The following PCM1 variants were observed in gnomAD, a reference collection of about 807,000 sequenced individuals.
PCM1 encodes pericentriolar material 1.
PCM1 carries 157 observed loss-of-function variants against 241.9 expected under a neutral mutation model. The observed-to-expected ratio is 0.65, with a 90% CI of 0.57 to 0.74. The LOEUF (loss-of-function observed/expected upper bound fraction) is 0.74, where lower values mean the gene tolerates loss of function less well. Ranked by LOEUF, PCM1 falls within the 30% of genes least tolerant of loss-of-function variation. The pLI, the probability that PCM1 is intolerant of heterozygous loss-of-function variation, is 0.00. For synonymous variants in PCM1, 1,085 were observed against 784.9 expected, an observed-to-expected ratio of 1.38 and a Z score of -6.39; for missense variants, 3,478 against 2,360.1, an observed-to-expected ratio of 1.47 and a Z score of -9.81.
intron 4 of PCM1, among the ~76,000 whole-genome samples, chr8:17,938,105 T>C (rs370131444): frequency 2.0e-5 from 3 of 152,216 alleles, no homozygotes. Flanking sequence ...TAAAAAGCAA[T>C]ATGAGTTAAA....
intron 29 of PCM1, among the ~76,000 whole-genome samples, chr8:18,004,304 T>G (rs1336375511): frequency 6.6e-6 from 1 of 152,228 alleles, no homozygotes; most frequent in Non-Finnish European, 1.5e-5. Context: ...CTTAAATGTC[T>G]AAGATATTAG....
chr8:17,957,475 G>T lies in PCM1; in HGVS notation c.1804+54G>T, dbSNP rs185380211. On this transcript the variant is annotated intron_variant, in intron 12 of 38. Coordinates refer to ENST00000325083, the MANE Select transcript of PCM1 (RefSeq NM_006197.4). ...TTGCTGTGTTATTCTTACAAAGTGG[G>T]TTTTCGTTCATGTGTGCTCTTTCCT... 859 of 1,606,596 alleles carry T rather than the reference G, an allele frequency of 5.3e-4. 2 individuals are homozygous for T. The highest frequency in any genetic ancestry group is 2.8e-4 in the Non-Finnish European group (328 of 1,173,712).
At chr8:17,958,984 A>C (rs998388075) in intron 13 of PCM1, among the ~76,000 whole-genome samples, 4 of 152,208 alleles carry the variant, frequency 2.6e-5, no homozygotes, top group Non-Finnish European at 4.4e-5. Flanking sequence ...GGCTTCCCAA[A>C]GTGCTCAGAT....
At chr8:17,976,933 C>G (rs1190044230) in intron 23 of PCM1, among the ~76,000 whole-genome samples, 1 of 151,392 alleles carries the variant, frequency 6.6e-6, no homozygotes, top group Non-Finnish European at 1.5e-5. Flanking sequence ...ACAGTTTCAG[C>G]TATTTTGGAG....
At chr8:17,950,531 T>G in intron 7 of PCM1, 84 bp from the exon 8 acceptor site, 1 of 730,346 alleles carries the variant, frequency 1.4e-6, no homozygotes, top group Admixed American at 2.9e-5. Context: ...TAAATTCTTT[T>G]TTTAAATTTA....
At chr8:18,023,123 C>G (rs1384529025) in intron 36 of PCM1, among the ~76,000 whole-genome samples, 1 of 152,136 alleles carries the variant, frequency 6.6e-6, no homozygotes, top group Non-Finnish European at 1.5e-5. Context: ...GCCCCTTTCT[C>G]TCAGTAATAC....
chr8:17,994,570 A>G (rs1005507724), intron 29 of PCM1, among the ~76,000 whole-genome samples: 2 of 152,162 alleles, frequency 1.3e-5, no homozygotes, highest in African/African-American at 2.4e-5. Flanking sequence ...TTGCTGGATC[A>G]TATGGTAGCT....
chr8:18,024,522 A>G, intron 36 of PCM1, among the ~76,000 whole-genome samples: 1 of 152,164 alleles, frequency 6.6e-6, no homozygotes, highest in Non-Finnish European at 1.5e-5. Context: ...AAACTTCGAA[A>G]ATTACTGGTT....
chr8:18,013,752 G>A (rs963645446), intron 34 of PCM1: 4 of 507,602 alleles, frequency 7.9e-6, no homozygotes, highest in Non-Finnish European at 1.4e-5. Context: ...ATTATACTGT[G>A]TGTGTGTGTT....
chr8:18,010,732 C>G, intron 32 of PCM1, 64 bp downstream of exon 32: 1 of 1,244,810 alleles, frequency 8.0e-7, no homozygotes, highest in East Asian at 2.6e-5. Flanking sequence ...CCCGTAATCG[C>G]AGCCCTTTGG....
chr8:18,011,180 T>C (rs2092446122), intron 32 of PCM1, 57 bp from the exon 33 acceptor site: 1 of 1,268,850 alleles, frequency 7.9e-7, no homozygotes. Context: ...AGACTTACTA[T>C]ATACCTTTTA....
chr8:17,926,047 G>A (rs1194802182), intron 2 of PCM1: 1 of 151,592 alleles, frequency 6.6e-6, no homozygotes, highest in Non-Finnish European at 1.5e-5. Flanking sequence ...CAAGAAAAAT[G>A]GAACTCAAGG....
At chr8:18,001,252 G>T (rs193029367) in intron 29 of PCM1, among the ~76,000 whole-genome samples, 10 of 152,172 alleles carry the variant, frequency 6.6e-5, no homozygotes, top group African/African-American at 2.4e-4. Flanking sequence ...AGTCCCTGTT[G>T]TTAAATATTT....
chr8:18,007,627 C>T (rs957897882), intron 30 of PCM1, among the ~76,000 whole-genome samples: 3 of 152,062 alleles, frequency 2.0e-5, no homozygotes, highest in Non-Finnish European at 4.4e-5. Context: ...TCTTTCATCC[C>T]GTTCTTGATT....
intron 6 of PCM1, 26 bp downstream of exon 6, chr8:17,939,887 A>T (rs541346751): frequency 7.4e-7 from 1 of 1,348,754 alleles, no homozygotes; most frequent in Non-Finnish European, 1.0e-6. Context: ...TTAAAATAAC[A>T]TATTATTTTT....
chr8:18,023,829 C>G (rs931173454), intron 36 of PCM1, among the ~76,000 whole-genome samples: 1 of 152,226 alleles, frequency 6.6e-6, no homozygotes, highest in Non-Finnish European at 1.5e-5. Flanking sequence ...GAAGCTAACA[C>G]TGTGTAAACT....
rs1029050599 is a variant in PCM1 at position 17,955,556 on chromosome 8, A to G, written c.1375A>G (p.Asn459Asp). 1.9e-6 allele frequency: 3 copies of G among 1,613,658 alleles called. No homozygotes were observed. Among genetic ancestry groups the G allele is most frequent in the Middle Eastern group, 1.6e-4 (1 of 6,082 alleles). Reference sequence around the variant, plus strand: ...GGCACCGGTTGTCAATGGAGAATCCAATAGCCTCACATCATCTGTTCCTTA... The same window carrying G: ...GGCACCGGTTGTCAATGGAGAATCCGATAGCCTCACATCATCTGTTCCTTA... Reference protein sequence around the residue: ...GLAPVVNGESNSLTSSVPYPT... With the variant: ...GLAPVVNGESDSLTSSVPYPT... Residue 459 changes from asparagine (N) to aspartate (D), a missense_variant, in exon 10 of 39, where the codon AAT becomes GAT. Coordinates refer to ENST00000325083, the MANE Select transcript of PCM1 (RefSeq NM_006197.4).
At chr8:17,955,437 A>T (rs1317787474) in intron 9 of PCM1, 33 bp from the exon 10 acceptor site, 1 of 1,482,710 alleles carries the variant, frequency 6.7e-7, no homozygotes, top group East Asian at 2.4e-5. Flanking sequence ...ACTGGTGATT[A>T]AAAAAAATTT....
Position 18,011,989 on chromosome 8 carries a change from T to A in PCM1, c.5511+162T>A, listed in dbSNP as rs1429149761. On this transcript the variant is annotated intron_variant, in intron 34 of 38. Transcript: ENST00000325083. ...TATTAAAATCTGAAAAACCAGTTTATTTTTTATGATTGTTTTTTAGAGACA... is the reference window on the plus strand; with the variant it reads ...TATTAAAATCTGAAAAACCAGTTTAATTTTTATGATTGTTTTTTAGAGACA... Among the ~76,000 whole-genome samples, 4 of 152,182 alleles carry A rather than the reference T, an allele frequency of 2.6e-5. No individual in the cohort carries two copies. The South Asian group carries it at 8.3e-4, about 31-fold the overall frequency.
Sources: allele counts gnomAD v4.1 joint callset (sites outside exome capture counted in the v4.1 genomes callset), GRCh38; gene constraint gnomAD v4.1.1; transcripts MANE v1.5; gene names NCBI Gene and HGNC (gene_info 2026-07-23, HGNC 2026-07-21).